ANKS1B: variants seen among roughly 807,000 people sequenced by gnomAD.
ANKS1B encodes ankyrin repeat and sterile alpha motif domain-containing protein 1B.
In ANKS1B, 36 loss-of-function variants were observed where a neutral mutation model predicts 148.3. That is an observed-to-expected ratio of 0.24 (90% CI 0.19 to 0.32). The LOEUF (loss-of-function observed/expected upper bound fraction) is 0.32. ANKS1B is among the 10% of genes least tolerant of loss of function. ANKS1B has a pLI of 1.00. For synonymous variants in ANKS1B, 542 were observed against 560.8 expected (o/e 0.97, Z 0.47); for missense variants, 1,157 against 1,542.6 (o/e 0.75, Z 4.19).
At chr12:99,003,265 G>A (rs1212068565) in intron 17 of ANKS1B, among the ~76,000 whole-genome samples, 4 of 152,178 alleles carry the variant, frequency 2.6e-5, no homozygotes, top group Non-Finnish European at 5.9e-5. Context: ...ATCAGGAAGT[G>A]TGATGCCTCT....
chr12:99,739,012 C>A (rs976212672), intron 8 of ANKS1B, among the ~76,000 whole-genome samples: 8 of 152,052 alleles, frequency 5.3e-5, no homozygotes, highest in Admixed American at 5.2e-4. Flanking sequence ...GGAAGGCCAT[C>A]TTCCACTAGA....
At chr12:99,774,469 A>T (rs2063473075) in intron 7 of ANKS1B, among the ~76,000 whole-genome samples, 1 of 152,114 alleles carries the variant, frequency 6.6e-6, no homozygotes, top group South Asian at 2.1e-4. Flanking sequence ...TATTCTCAAA[A>T]AGACAAAAGA....
At chr12:99,387,541 C>T (rs188906903) in intron 12 of ANKS1B, among the ~76,000 whole-genome samples, 2 of 151,996 alleles carry the variant, frequency 1.3e-5, no homozygotes, top group Admixed American at 1.3e-4. Flanking sequence ...GCTTGAACCC[C>T]GGAGGCGGAG....
chr12:98,952,170 T>C (rs1335324596), intron 17 of ANKS1B, among the ~76,000 whole-genome samples: 1 of 152,216 alleles, frequency 6.6e-6, no homozygotes, highest in South Asian at 2.1e-4. Context: ...TTAAAATTAT[T>C]TATGATTTCA....
At chr12:99,344,250 T>C (rs1245979545) in intron 12 of ANKS1B, among the ~76,000 whole-genome samples, 1 of 152,016 alleles carries the variant, frequency 6.6e-6, no homozygotes, top group Non-Finnish European at 1.5e-5. Context: ...CTTAATTCCT[T>C]TCTTCCTATT....
At chr12:99,135,565 T>C (rs1039466420) in intron 15 of ANKS1B, among the ~76,000 whole-genome samples, 11 of 152,074 alleles carry the variant, frequency 7.2e-5, no homozygotes, top group African/African-American at 2.4e-4. Context: ...ATCAAACACA[T>C]CAAACACTGT....
At chr12:98,814,639 T>C (rs1305670885) in intron 19 of ANKS1B, among the ~76,000 whole-genome samples, 5 of 152,226 alleles carry the variant, frequency 3.3e-5, no homozygotes, top group Admixed American at 6.5e-5. Flanking sequence ...CTTGTAGAGC[T>C]TAGAAACAGT....
At chr12:99,691,973 G>C (rs983359947) in intron 8 of ANKS1B, among the ~76,000 whole-genome samples, 4 of 152,206 alleles carry the variant, frequency 2.6e-5, no homozygotes, top group Admixed American at 6.5e-5. Context: ...CAGTACAACT[G>C]GGGTATGGTG....
chr12:99,330,728 T>C (rs2087355634), intron 12 of ANKS1B, among the ~76,000 whole-genome samples: 2 of 152,022 alleles, frequency 1.3e-5, no homozygotes, highest in African/African-American at 2.4e-5. Context: ...ATCTGTTCGG[T>C]CTTTCATGCT....
At chr12:98,832,249 A>G in intron 17 of ANKS1B, 113 bp from the exon 18 acceptor site, 2 of 789,086 alleles carry the variant, frequency 2.5e-6, no homozygotes, top group Non-Finnish European at 3.9e-6. Flanking sequence ...CTGCACCATG[A>G]GATGTGGTGT....
At chr12:99,095,169 C>T (rs185820376) in intron 15 of ANKS1B, among the ~76,000 whole-genome samples, 6 of 152,212 alleles carry the variant, frequency 3.9e-5, no homozygotes, top group African/African-American at 7.2e-5. Context: ...GCAGTACCTA[C>T]GAAAATGAAA....
At chr12:99,560,396 GA>G (rs138955909) in intron 9 of ANKS1B, among the ~76,000 whole-genome samples, 31,578 of 148,204 alleles carry the variant, frequency 0.21, 3,479 homozygotes, top group East Asian at 0.31. Context: ...TTTTTTTTAA[GA>G]AAAAAAAAAT....
At chr12:99,316,038 T>C (rs1028286444) in intron 12 of ANKS1B, among the ~76,000 whole-genome samples, 2 of 152,222 alleles carry the variant, frequency 1.3e-5, no homozygotes, top group Non-Finnish European at 2.9e-5. Flanking sequence ...CCATGGTGTA[T>C]ATGTGCCACA....
At chr12:99,432,742 G>A (rs2095397547) in intron 11 of ANKS1B, among the ~76,000 whole-genome samples, 1 of 152,190 alleles carries the variant, frequency 6.6e-6, no homozygotes. Flanking sequence ...ATAATTAGCA[G>A]TGTTAAGTCT....
chr12:99,316,482 T>A (rs1385347778), intron 12 of ANKS1B, among the ~76,000 whole-genome samples: 4 of 152,230 alleles, frequency 2.6e-5, no homozygotes, highest in Admixed American at 2.6e-4. Flanking sequence ...TTGAGAAGTG[T>A]CTGTTCATAT....
chr12:99,930,391 A>G (rs2094583334), intron 1 of ANKS1B, among the ~76,000 whole-genome samples: 1 of 152,086 alleles, frequency 6.6e-6, no homozygotes. Context: ...GCTTGAGGAG[A>G]TTTTGGGCTG....
intron 15 of ANKS1B, among the ~76,000 whole-genome samples, chr12:99,153,574 A>G (rs1209103985): frequency 6.6e-6 from 1 of 152,174 alleles, no homozygotes; most frequent in Non-Finnish European, 1.5e-5. Flanking sequence ...AAAACGGTGG[A>G]AAGTTAGCAC....
At chr12:99,397,854 T>TA (rs2094295563) in intron 12 of ANKS1B, among the ~76,000 whole-genome samples, 4 of 152,060 alleles carry the variant, frequency 2.6e-5, no homozygotes, top group Admixed American at 2.6e-4. Context: ...GATAGGGTGG[T>TA]ATGGGAAGGC....
At chr12:99,176,195 A>G (rs1362167060) in intron 14 of ANKS1B, among the ~76,000 whole-genome samples, 1 of 152,126 alleles carries the variant, frequency 6.6e-6, no homozygotes, top group African/African-American at 2.4e-5. Context: ...CACAGGTGAG[A>G]GACCAGGAAG....
Sources: gnomAD v4.1 joint callset for allele counts (sites outside exome capture counted in the v4.1 genomes callset) on GRCh38, gnomAD v4.1.1 for gene constraint, MANE v1.5 for transcripts, NCBI Gene and HGNC (gene_info 2026-07-23, HGNC 2026-07-21) for gene names.